Variants in LDLRAD4 observed in about 807,000 individuals in gnomAD.
LDLRAD4 encodes the protein low-density lipoprotein receptor class A domain-containing protein 4.
Under a neutral mutation model 17.0 loss-of-function variants are expected in LDLRAD4, and 5 were observed. That is an observed-to-expected ratio of 0.29 (90% CI 0.15 to 0.62). LDLRAD4 has a LOEUF of 0.62. Among genes scored for constraint, LDLRAD4 ranks in the 20% least tolerant of loss-of-function variants. LDLRAD4 has a pLI of 0.84. For synonymous variants in LDLRAD4, 168 were observed against 171.8 expected (o/e 0.98, Z 0.17); for missense variants, 340 against 424.7 (o/e 0.80, Z 1.75).
At chr18:13,442,142 C>A (rs2146228991) in intron 3 of LDLRAD4, among the ~76,000 whole-genome samples, 1 of 152,252 alleles carries the variant, frequency 6.6e-6, no homozygotes, top group African/African-American at 2.4e-5. Context: ...CAAATTATTC[C>A]TTATACAAAC....
intron 1 of LDLRAD4, among the ~76,000 whole-genome samples, chr18:13,345,766 G>T (rs1023935220): frequency 2.6e-5 from 4 of 152,106 alleles, no homozygotes; most frequent in African/African-American, 4.8e-5. Context: ...GCCTGTTATT[G>T]GTCTATTCAG....
intron 3 of LDLRAD4, among the ~76,000 whole-genome samples, chr18:13,565,627 G>A (rs561719838): frequency 7.9e-5 from 12 of 152,144 alleles, no homozygotes; most frequent in African/African-American, 1.2e-4. Context: ...CTCCTTTCTC[G>A]TGCCCCTGTC....
intron 4 of LDLRAD4, among the ~76,000 whole-genome samples, chr18:13,639,254 C>T (rs2042323835): frequency 6.6e-6 from 1 of 152,148 alleles, no homozygotes; most frequent in Admixed American, 6.5e-5. Flanking sequence ...TGTAGTGAGC[C>T]CCCTTCTCCC....
chr18:13,345,871 T>A (rs1252207347), intron 1 of LDLRAD4, among the ~76,000 whole-genome samples: 2 of 152,098 alleles, frequency 1.3e-5, no homozygotes, highest in Non-Finnish European at 2.9e-5. Context: ...TGCATAGAGG[T>A]GTTTATAGTA....
rs1022771469 is a variant in LDLRAD4 at position 13,436,757 on chromosome 18, C to A, written c.41-1487C>A. On this transcript the variant is annotated intron_variant, in intron 2 of 5. Coordinates refer to ENST00000359446, the Ensembl canonical transcript of LDLRAD4. ...TTTGGCTCCAGCAGCACCCCCACCA[C>A]GTGGCCCAGCCTCACTCTGCACACA... Among the ~76,000 whole-genome samples the A allele has an allele frequency of 2.6e-5, 4 of 152,374 alleles. No individual in the cohort carries two copies. In the South Asian group the frequency reaches 8.3e-4, roughly 32 times the overall value.
At chr18:13,290,574 A>C (rs2045907504) in intron 1 of LDLRAD4, among the ~76,000 whole-genome samples, 1 of 151,608 alleles carries the variant, frequency 6.6e-6, no homozygotes, top group South Asian at 2.1e-4. Context: ...AAAAAAAAAG[A>C]TCTGCGTTTG....
upstream of LDLRAD4, among the ~76,000 whole-genome samples, chr18:13,218,315 G>C (rs2041262604): frequency 6.6e-6 from 1 of 152,206 alleles, no homozygotes; most frequent in Admixed American, 6.5e-5. Context: ...TGGGCACGGC[G>C]GGGATCCGGG....
chr18:13,396,209 A>G (rs956511478), intron 2 of LDLRAD4, among the ~76,000 whole-genome samples: 17 of 152,200 alleles, frequency 1.1e-4, no homozygotes, highest in African/African-American at 4.1e-4. Flanking sequence ...TGGTGTGAGA[A>G]AGACATCTCC....
intron 1 of LDLRAD4, among the ~76,000 whole-genome samples, chr18:13,375,003 T>C (rs912606102): frequency 6.6e-6 from 1 of 152,190 alleles, no homozygotes; most frequent in African/African-American, 2.4e-5. Context: ...GGAAACAGAT[T>C]GCGGGAACAC....
intron 3 of LDLRAD4, among the ~76,000 whole-genome samples, chr18:13,499,379 C>T (rs574824263): frequency 5.7e-4 from 83 of 144,618 alleles, no homozygotes; most frequent in Middle Eastern, 8.7e-3. Flanking sequence ...ACTGGAGAAT[C>T]CTTCTCGCCA....
rs551366915 is a variant in LDLRAD4, at chr18:13,242,197, C to T, written c.-467+23209C>T. On this transcript the variant is annotated intron_variant, in intron 1 of 5. Transcript: ENST00000399848. ...TTCTGACTTGTTGACCTACTGGAAT[C>T]GCTTGTTTTCACGTCTGCAGGAAAT... The T allele has an allele frequency of 2.6e-5, 4 of 152,366 alleles. No individual in the cohort carries two copies. The East Asian group carries it at 5.8e-4, about 22-fold the overall frequency. 9.4% of individuals were successfully genotyped at this position (152,366 alleles called of 1,614,324 possible).
At chr18:13,324,477 C>T (rs1046476295) in intron 1 of LDLRAD4, among the ~76,000 whole-genome samples, 1 of 152,104 alleles carries the variant, frequency 6.6e-6, no homozygotes, top group East Asian at 1.9e-4. Flanking sequence ...TCTGAAATTA[C>T]GAACTCTCTG....
chr18:13,438,489 A>T, intron 3 of LDLRAD4, 105 bp downstream of exon 4: 2 of 877,534 alleles, frequency 2.3e-6, no homozygotes, highest in South Asian at 3.3e-5. Flanking sequence ...CTGGTTAAGG[A>T]AAGAGATTTG....
rs562808100 is a variant in LDLRAD4, at chr18:13,609,776, C to T, written c.182-11341C>T. The stretch of plus-strand genomic sequence containing the variant: ...TCGCTTGAAGTCAGGAGTTCCAGGA[C>T]AGCCTGGCCAACATGGTGAAACCCC... On this transcript the variant is annotated intron_variant, in intron 3 of 5. Transcript: ENST00000359446. Among the ~76,000 whole-genome samples the T allele has an allele frequency of 1.5e-3, 228 of 152,230 alleles. 1 individual carries two copies. The highest frequency in any genetic ancestry group is 5.3e-3 in the African/African-American group (222 of 41,528).
intron 4 of LDLRAD4, chr18:13,641,966 C>A: frequency 2.0e-6 from 2 of 985,426 alleles, no homozygotes; most frequent in Non-Finnish European, 1.2e-6. Context: ...CCCTGCGGGC[C>A]CAGCCTGGGC....
chr18:13,574,970 CT>C (rs1384371272), intron 3 of LDLRAD4, among the ~76,000 whole-genome samples: 1 of 152,216 alleles, frequency 6.6e-6, no homozygotes, highest in Admixed American at 6.5e-5. Flanking sequence ...TGTCATCTAA[CT>C]TTTTTTCCAT....
intron 4 of LDLRAD4, chr18:13,642,603 C>T (rs1195068080): frequency 4.9e-6 from 6 of 1,229,798 alleles, no homozygotes; most frequent in Non-Finnish European, 6.1e-6. Context: ...GGCCGTCCAC[C>T]TGCGAGCGCG....
At chr18:13,606,090 A>G (rs979589108) in intron 3 of LDLRAD4, among the ~76,000 whole-genome samples, 2 of 152,192 alleles carry the variant, frequency 1.3e-5, no homozygotes, top group African/African-American at 4.8e-5. Context: ...AAGTATTCTC[A>G]GCCTCATTTT....
chr18:13,296,206 G>A (rs1436583311), intron 1 of LDLRAD4, among the ~76,000 whole-genome samples: 4 of 152,252 alleles, frequency 2.6e-5, no homozygotes, highest in Admixed American at 2.6e-4. Flanking sequence ...CTTCTGCTTC[G>A]CAAGAGGCGA....
Sources: gnomAD v4.1 joint callset for allele counts (sites outside exome capture counted in the v4.1 genomes callset) on GRCh38, gnomAD v4.1.1 for gene constraint, MANE v1.5 for transcripts, NCBI Gene and HGNC (gene_info 2026-07-23, HGNC 2026-07-21) for gene names.